The following NPHP3 variants were observed in gnomAD, a reference collection of about 807,000 sequenced individuals.
The protein encoded by NPHP3 is nephrocystin-3.
NPHP3 carries 123 observed loss-of-function variants against 171.9 expected under a neutral mutation model. The ratio of observed to expected loss-of-function variants is 0.72; its 90% CI spans 0.62 to 0.83. The LOEUF is 0.83. NPHP3 is among the 40% of genes least tolerant of loss of function. NPHP3 has a pLI of 0.00. For missense variants in NPHP3, 1,506 were observed against 1,591.9 expected (o/e 0.95, Z 0.92); for synonymous variants, 558 against 579.2 (o/e 0.96, Z 0.52).
chr3:132,682,261 TC>T (rs1452030289), intron 26 of NPHP3, 171 bp from the exon 27 acceptor site: 3 of 635,806 alleles, frequency 4.7e-6, no homozygotes, highest in Non-Finnish European at 8.3e-6. Flanking sequence ...TCTTCTCCTT[TC>T]TACCAGTATC....
intron 13 of NPHP3, among the ~76,000 whole-genome samples, chr3:132,697,584 A>C (rs1939489438): frequency 6.6e-6 from 1 of 152,232 alleles, no homozygotes; most frequent in Admixed American, 6.5e-5. Flanking sequence ...GTGTTATAAA[A>C]TAAACAGTAT....
chr3:132,718,241 T>G (rs141471062), intron 3 of NPHP3: 21 of 278,016 alleles, frequency 7.6e-5, no homozygotes, highest in African/African-American at 4.4e-4. Flanking sequence ...CACTGCATTT[T>G]AAAATAGAAT....
chr3:132,697,380 G>T lies in NPHP3; in HGVS notation c.1986-18C>A. 1 of 1,515,748 alleles carries T rather than the reference G, an allele frequency of 6.6e-7. No homozygotes were observed. The highest frequency in any genetic ancestry group is 9.1e-7 in the Non-Finnish European group (1 of 1,096,146). The allele number at this position is 1,515,748 out of a possible 1,614,324, so 93.9% of individuals were successfully genotyped here. On this transcript the variant is annotated intron_variant, in intron 13 of 26. Coordinates refer to ENST00000337331, the MANE Select transcript of NPHP3 (RefSeq NM_153240.5). ...GCCACAACCTTTTATGTAAAGAAAA[G>T]AAAAATGAAATTTTAATAATACAAC...
chr3:132,707,468 C>A (rs1012894830), intron 7 of NPHP3, among the ~76,000 whole-genome samples: 11 of 151,276 alleles, frequency 7.3e-5, no homozygotes, highest in African/African-American at 2.7e-4. Context: ...GAGACTCTGT[C>A]TCTTAAAAAA....
chr3:132,699,280 A>G (rs1001645200), intron 13 of NPHP3, 73 bp downstream of exon 13: 10 of 1,006,220 alleles, frequency 9.9e-6, no homozygotes, highest in South Asian at 6.6e-5. Flanking sequence ...CCATAAATGC[A>G]TATTAAAAAT....
chr3:132,699,203 AT>A (rs762354541), intron 13 of NPHP3, 149 bp downstream of exon 13: 93 of 624,294 alleles, frequency 1.5e-4, no homozygotes, highest in Middle Eastern at 3.8e-4. Context: ...TATAGATTGT[AT>A]TTTTTTTTCA....
intron 9 of NPHP3, among the ~76,000 whole-genome samples, chr3:132,703,860 C>T (rs1371860512): frequency 1.3e-5 from 2 of 152,174 alleles, no homozygotes; most frequent in South Asian, 2.1e-4. Context: ...AGATTACATG[C>T]GTGAGCCACT....
intron 6 of NPHP3, among the ~76,000 whole-genome samples, chr3:132,710,554 G>A (rs955140221): frequency 1.3e-5 from 2 of 152,258 alleles, no homozygotes; most frequent in Middle Eastern, 3.4e-3. Context: ...CTTTCTTAGT[G>A]AGTCTGGTCT....
intron 6 of NPHP3, chr3:132,712,458 A>G: frequency 2.2e-6 from 1 of 456,942 alleles, no homozygotes; most frequent in Non-Finnish European, 4.4e-6. Flanking sequence ...TTATAGTATG[A>G]AGGCAGCTGT....
Position 132,722,308 on chromosome 3 carries a change from G to C in NPHP3, c.48C>G (p.Ile16Met), listed in dbSNP as rs760044628. Reference protein sequence around the residue: ...SLVSPAGGEVIEDTYGAGGGE... With the variant: ...SLVSPAGGEVMEDTYGAGGGE... ...CGCCGCCCGCCCCGTACGTGTCCTCGATCACTTCCCCGCCCGCGGGGCTCA... is the reference window on the plus strand; with the variant it reads ...CGCCGCCCGCCCCGTACGTGTCCTCCATCACTTCCCCGCCCGCGGGGCTCA... Residue 16 changes from isoleucine to methionine, a missense_variant, in exon 1 of 27, where the codon ATC (isoleucine) becomes ATG (methionine). By Grantham distance (10) the Ile-to-Met change is conservative. Around this residue, in one of 3 missense-constraint regions of NPHP3, gnomAD observed 930 missense variants for 924.9 expected, o/e 1.01. Transcript: ENST00000337331. The C allele has an allele frequency of 3.2e-6, 5 of 1,581,444 alleles. No homozygotes were observed. The highest frequency in any genetic ancestry group is 4.3e-6 in the Non-Finnish European group (5 of 1,172,852).
In NPHP3 at chr3:132,701,660, G is replaced by GT. The variant is rs145823343; in HGVS notation, c.1525-128dup. ...TGTGAGAAAATGAAATCTATTTTTA[G>GT]TGACAGCACCCTCATAATTGCCTAC... On this transcript the variant is annotated intron_variant, in intron 9 of 26. Coordinates refer to ENST00000337331, the MANE Select transcript of NPHP3 (RefSeq NM_153240.5). 0.03 allele frequency: 21,293 copies of GT among 699,206 alleles called. 898 individuals carry two copies. The highest frequency in any genetic ancestry group is 0.14 in the African/African-American group (7,828 of 55,638). The allele number at this position is 699,206 out of a possible 1,614,324, so 43.3% of individuals were successfully genotyped here.
chr3:132,688,025 G>T (rs1041053690), intron 21 of NPHP3, among the ~76,000 whole-genome samples: 12 of 152,126 alleles, frequency 7.9e-5, no homozygotes, highest in Non-Finnish European at 1.5e-5. Flanking sequence ...GCAATGGTTT[G>T]CTGGCCCCAT....
chr3:132,714,836 T>C (rs2107998112), intron 5 of NPHP3, among the ~76,000 whole-genome samples: 1 of 152,360 alleles, frequency 6.6e-6, no homozygotes, highest in South Asian at 2.1e-4. Flanking sequence ...TTTTCTGTCT[T>C]AGCTCCTGTC....
At chr3:132,716,662 T>G in intron 4 of NPHP3, 95 bp downstream of exon 4, 1 of 1,366,836 alleles carries the variant, frequency 7.3e-7, no homozygotes, top group Non-Finnish European at 1.0e-6. Flanking sequence ...ACAAATTTCA[T>G]GCTTTGCTAA....
Position 132,688,866 on chromosome 3 carries a change from A to G in NPHP3, c.2909T>C (p.Leu970Ser), listed in dbSNP as rs2107967729. 1.2e-6 allele frequency: 2 copies of G among 1,614,086 alleles called. No individual in the cohort carries two copies. Among genetic ancestry groups the G allele is most frequent in the Non-Finnish European group, 1.7e-6 (2 of 1,179,988 alleles). Residue 970 changes from leucine (L) to serine (S), a missense_variant, in exon 21 of 27, where the codon TTA becomes TCA. Leu to Ser is a moderately radical substitution (Grantham distance 145). Transcript: ENST00000337331. ...SQAIVPLQRS[L>S]EIRETALDPD... ...ATCTAAAGCTGTTTCTCGAATCTCTAAAGACCTCTGCAAAGGTACTATGGC... is the reference window on the plus strand; with the variant it reads ...ATCTAAAGCTGTTTCTCGAATCTCTGAAGACCTCTGCAAAGGTACTATGGC...
At chr3:132,704,125 G>A in intron 9 of NPHP3, 73 bp downstream of exon 9, 1 of 1,384,532 alleles carries the variant, frequency 7.2e-7, no homozygotes, top group South Asian at 1.2e-5. Context: ...ACTATATTTA[G>A]ATGAAAATAC....
rs1939798396 is a variant in NPHP3 at position 132,707,967 on chromosome 3, C to T, written c.1275+134G>A. The stretch of plus-strand genomic sequence containing the variant: ...ATGAGGCCCCCTCTCCTCCTACTCC[C>T]CTCACTTATCTGTTCCAGCCACACT... On this transcript the variant is annotated intron_variant, in intron 7 of 26. Coordinates refer to ENST00000337331, the MANE Select transcript of NPHP3 (RefSeq NM_153240.5). The T allele has an allele frequency of 1.4e-5, 11 of 813,034 alleles. No individual in the cohort carries two copies. The South Asian group carries it at 1.7e-4, about 12-fold the overall frequency. 50.4% of individuals were successfully genotyped at this position (813,034 alleles called of 1,614,324 possible).
chr3:132,721,712 G>A (rs910911604), intron 1 of NPHP3: 2 of 679,712 alleles, frequency 2.9e-6, no homozygotes, highest in Non-Finnish European at 5.4e-6. Flanking sequence ...CGAGGCGGGA[G>A]GATCATTGAG....
chr3:132,708,118 T>G lies in NPHP3; in HGVS notation c.1258A>C (p.Lys420Gln). ...QLIDQVSNLN[K>Q]TSKAKIIDHS... ...AATTTTACCTTGGCTTTGCTGGTCT[T>G]GTTTAGATTAGAAACTTGATCAATC... The change falls in exon 7 of 27, where the codon AAG becomes CAG. Residue 420 changes from lysine (K) to glutamine (Q), a missense_variant. Lys to Gln is a moderately conservative substitution (Grantham distance 53). Around this residue, in one of 3 missense-constraint regions of NPHP3, gnomAD observed 930 missense variants for 924.9 expected, o/e 1.01. Transcript: ENST00000337331. 6.2e-7 allele frequency: 1 copy of G among 1,614,226 alleles called. No individual in the cohort carries two copies. Among genetic ancestry groups the G allele is most frequent in the Non-Finnish European group, 8.5e-7 (1 of 1,180,030 alleles).
Sources: allele counts gnomAD v4.1 joint callset (sites outside exome capture counted in the v4.1 genomes callset), GRCh38; gene constraint gnomAD v4.1.1; regional missense constraint gnomAD v4.1.1; transcripts MANE v1.5; gene names NCBI Gene and HGNC (gene_info 2026-07-23, HGNC 2026-07-21).